NTRK3: variants seen among roughly 807,000 people sequenced by gnomAD.
NTRK3 encodes the protein NT-3 growth factor receptor.
Under a neutral mutation model 91.7 loss-of-function variants are expected in NTRK3, and 24 were observed. The observed-to-expected ratio is 0.26, with a 90% CI of 0.19 to 0.37. The LOEUF is 0.37. Ranked by LOEUF, NTRK3 falls within the 10% of genes least tolerant of loss-of-function variation. NTRK3 has a pLI of 1.00. For synonymous variants in NTRK3, 483 were observed against 404.0 expected (o/e 1.20, Z -2.34); for missense variants, 880 against 1,068.9 (o/e 0.82, Z 2.46).
At chr15:87,880,275 T>C in exon 18 of NTRK3, 1 of 1,613,950 alleles carries the variant, frequency 6.2e-7, no homozygotes, top group Non-Finnish European at 8.5e-7. Context: ...TTTACCTCCG[T>C]GTTTGAGAGT....
At chr15:88,062,610 C>A (rs975860682) in intron 13 of NTRK3, among the ~76,000 whole-genome samples, 1 of 152,204 alleles carries the variant, frequency 6.6e-6, no homozygotes, top group Non-Finnish European at 1.5e-5. Context: ...GATAAAAGGA[C>A]CCCGATGATC....
intron 3 of NTRK3, among the ~76,000 whole-genome samples, chr15:88,202,167 C>G (rs1381479645): frequency 6.6e-6 from 1 of 152,200 alleles, no homozygotes; most frequent in Non-Finnish European, 1.5e-5. Flanking sequence ...TCCTGGTCTT[C>G]GTTTCTTGCC....
At chr15:88,179,577 G>T (rs773217335) in intron 5 of NTRK3, among the ~76,000 whole-genome samples, 2 of 152,226 alleles carry the variant, frequency 1.3e-5, no homozygotes, top group African/African-American at 2.4e-5. Flanking sequence ...CATTCTTCAT[G>T]TATGGGGATC....
intron 3 of NTRK3, among the ~76,000 whole-genome samples, chr15:88,207,155 T>C (rs1439542598): frequency 6.6e-6 from 1 of 152,214 alleles, no homozygotes; most frequent in Non-Finnish European, 1.5e-5. Flanking sequence ...CAATGGTATT[T>C]GTCAGGTTGC....
intron 13 of NTRK3, among the ~76,000 whole-genome samples, chr15:88,043,910 T>C (rs942690012): frequency 2.6e-5 from 4 of 152,138 alleles, no homozygotes; most frequent in African/African-American, 7.2e-5. Context: ...TACACTGCAA[T>C]AGGGTATCCA....
intron 17 of NTRK3, among the ~76,000 whole-genome samples, chr15:87,895,327 C>A (rs2066058098): frequency 6.6e-6 from 1 of 152,170 alleles, no homozygotes; most frequent in African/African-American, 2.4e-5. Flanking sequence ...GATTGAGTCT[C>A]TGAATGAAGT....
chr15:87,955,336 C>CT (rs1388582792), intron 14 of NTRK3, among the ~76,000 whole-genome samples: 3 of 152,226 alleles, frequency 2.0e-5, no homozygotes, highest in African/African-American at 7.2e-5. Flanking sequence ...ATAGAGAACT[C>CT]TGACTGCCCT....
exon 19 of NTRK3, chr15:87,876,824 T>C: frequency 1.6e-6 from 2 of 1,259,376 alleles, no homozygotes; most frequent in Non-Finnish European, 2.3e-6. Flanking sequence ...CTTGAGTTTA[T>C]ATGAAGATGT....
chr15:88,159,991 CACAT>C (rs2044295406), intron 5 of NTRK3, among the ~76,000 whole-genome samples: 1 of 143,528 alleles, frequency 7.0e-6, no homozygotes, highest in African/African-American at 2.6e-5. Flanking sequence ...CACACACACA[CACAT>C]TGCTTGAACT....
intron 13 of NTRK3, among the ~76,000 whole-genome samples, chr15:88,061,614 G>A (rs375265066): frequency 2.5e-4 from 38 of 152,398 alleles, no homozygotes; most frequent in African/African-American, 7.5e-4. Context: ...CGCCCCCGCA[G>A]GGCGAGGGCT....
rs865838708 is a variant in NTRK3 at position 88,191,040 on chromosome 15, C to A, written c.249-6741G>T. ...TCCCCCTTTTGGATAACTGAAGTTG[C>A]CAGTTAAGTGAAGCTTTCCTGGAGG... On this transcript the variant is annotated intron_variant, in intron 3 of 18. Transcript: ENST00000394480. Among the ~76,000 whole-genome samples the A allele has an allele frequency of 6.6e-5, 10 of 152,244 alleles. No homozygotes were observed. The South Asian group carries it at 8.3e-4, about 13-fold the overall frequency.
chr15:87,920,042 C>G (rs1056518114), intron 17 of NTRK3, among the ~76,000 whole-genome samples: 2 of 152,040 alleles, frequency 1.3e-5, no homozygotes, highest in African/African-American at 4.8e-5. Context: ...TGGCTGGAAT[C>G]CAAACTCCAG....
intron 14 of NTRK3, chr15:87,977,518 G>A (rs1013780832): frequency 8.8e-6 from 2 of 226,740 alleles, no homozygotes; most frequent in Admixed American, 5.7e-5. Context: ...GGCTGGAAAT[G>A]AGGTAATGAT....
In NTRK3 at chr15:88,007,579, T is replaced by C. The variant is rs180915425; in HGVS notation, c.1585+25278A>G. Among the ~76,000 whole-genome samples the C allele has an allele frequency of 5.5e-4, 84 of 152,342 alleles. 1 individual carries two copies. In the East Asian group the frequency reaches 0.012, roughly 22 times the overall value. On this transcript the variant is annotated intron_variant, in intron 14 of 18. Transcript: ENST00000394480. Reference sequence around the variant, plus strand: ...CCCACAAGGATCTGTTGTATCTTTTTCAATCCTAAGATTTTCTAACTTGGA... The same window carrying C: ...CCCACAAGGATCTGTTGTATCTTTTCCAATCCTAAGATTTTCTAACTTGGA...
chr15:88,169,969 A>G (rs768976446), intron 5 of NTRK3, among the ~76,000 whole-genome samples: 1 of 152,084 alleles, frequency 6.6e-6, no homozygotes, highest in East Asian at 1.9e-4. Context: ...ATCACACTGT[A>G]TAGTAAGCAT....
intron 13 of NTRK3, among the ~76,000 whole-genome samples, chr15:88,109,079 G>A (rs2051034203): frequency 1.3e-5 from 2 of 152,212 alleles, no homozygotes; most frequent in Admixed American, 6.5e-5. Context: ...CTAGTCAGCG[G>A]ATGCTTCTCC....
chr15:87,904,923 G>A (rs2066671424), intron 17 of NTRK3, among the ~76,000 whole-genome samples: 2 of 152,194 alleles, frequency 1.3e-5, no homozygotes, highest in African/African-American at 4.8e-5. Context: ...ACTCAGATAA[G>A]TGAAAGTGGA....
chr15:88,245,230 C>T (rs541741760), intron 3 of NTRK3, among the ~76,000 whole-genome samples: 2 of 152,312 alleles, frequency 1.3e-5, no homozygotes, highest in East Asian at 3.9e-4. Context: ...TGCCCATCAC[C>T]TCTTACAGAC....
chr15:87,933,263 C>A (rs2141959843), intron 15 of NTRK3, 79 bp from the exon 16 acceptor site: 2 of 1,364,876 alleles, frequency 1.5e-6, no homozygotes, highest in Non-Finnish European at 2.1e-6. Flanking sequence ...AAGAAACTGG[C>A]CCCACACACC....
Sources: gnomAD v4.1 joint callset for allele counts (sites outside exome capture counted in the v4.1 genomes callset) on GRCh38, gnomAD v4.1.1 for gene constraint, MANE v1.5 for transcripts, NCBI Gene and HGNC (gene_info 2026-07-23, HGNC 2026-07-21) for gene names.